NPAS3: variants seen among roughly 807,000 people sequenced by gnomAD.
NPAS3 encodes the protein neuronal PAS domain protein 3, also known as neuronal PAS domain-containing protein 3.
Under a neutral mutation model 73.1 loss-of-function variants are expected in NPAS3, and 14 were observed. The observed-to-expected ratio is 0.19, with a 90% CI of 0.13 to 0.30. The LOEUF is 0.30. NPAS3 is among the 10% of genes least tolerant of loss of function. The pLI, the probability that NPAS3 is intolerant of heterozygous loss-of-function variation, is 1.00. For synonymous variants in NPAS3, 620 were observed against 541.5 expected, an observed-to-expected ratio of 1.14 and a Z score of -2.01; for missense variants, 1,096 against 1,250.0, an observed-to-expected ratio of 0.88 and a Z score of 1.86.
At chr14:33,278,136 T>G (rs1423347921) in intron 3 of NPAS3, among the ~76,000 whole-genome samples, 1 of 152,180 alleles carries the variant, frequency 6.6e-6, no homozygotes, top group Non-Finnish European at 1.5e-5. Flanking sequence ...CCAAAGCTTT[T>G]TGCCTGAGCT....
chr14:33,037,510 GA>G (rs1247383012), intron 1 of NPAS3, among the ~76,000 whole-genome samples: 2 of 151,216 alleles, frequency 1.3e-5, no homozygotes, highest in African/African-American at 2.4e-5. Context: ...AAGAAAAAAA[GA>G]AAAAATTAGG....
intron 4 of NPAS3, among the ~76,000 whole-genome samples, chr14:33,435,930 C>T (rs1293944485): frequency 6.6e-6 from 1 of 152,148 alleles, no homozygotes; most frequent in African/African-American, 2.4e-5. Flanking sequence ...CCCTTGAGGC[C>T]TCGCAGACAT....
chr14:33,640,996 C>G lies in NPAS3; in HGVS notation c.559-35215C>G, dbSNP rs543762291. ...GTACCCAAGTGTTACTGGCAGTTCT[C>G]TCTGTGTGATAGGATAACGGGTGAT... On this transcript the variant is annotated intron_variant, in intron 5 of 11. Coordinates refer to ENST00000356141, the Ensembl canonical transcript of NPAS3. Among the ~76,000 whole-genome samples, 3 of 152,266 alleles carry G rather than the reference C, an allele frequency of 2.0e-5. No homozygotes were observed. The South Asian group carries it at 6.2e-4, about 32-fold the overall frequency.
intron 4 of NPAS3, among the ~76,000 whole-genome samples, chr14:33,494,581 A>C (rs141792644): frequency 5.9e-5 from 9 of 152,260 alleles, no homozygotes; most frequent in African/African-American, 1.9e-4. Context: ...CTGGATCTAC[A>C]GGGACCCAGA....
At chr14:33,332,480 A>G (rs1279071070) in intron 3 of NPAS3, among the ~76,000 whole-genome samples, 1 of 152,240 alleles carries the variant, frequency 6.6e-6, no homozygotes, top group East Asian at 1.9e-4. Context: ...AGGCAAATAC[A>G]TAGAGGACAG....
intron 9 of NPAS3, among the ~76,000 whole-genome samples, chr14:33,786,869 G>A (rs985915414): frequency 1.2e-4 from 18 of 152,112 alleles, no homozygotes; most frequent in South Asian, 2.1e-4. Flanking sequence ...GGAGACTAAC[G>A]TAGGACAGGC....
chr14:33,020,242 GTATT>G (rs1015601666), intron 1 of NPAS3, among the ~76,000 whole-genome samples: 3 of 152,162 alleles, frequency 2.0e-5, no homozygotes, highest in Non-Finnish European at 4.4e-5. Context: ...ACCAGATAGT[GTATT>G]TATCATCATA....
chr14:33,253,425 C>T (rs1469695533), intron 3 of NPAS3, among the ~76,000 whole-genome samples: 1 of 151,980 alleles, frequency 6.6e-6, no homozygotes, highest in Admixed American at 6.6e-5. Flanking sequence ...TTATTTAGCA[C>T]ACGTCAGTTT....
chr14:33,698,520 T>C (rs2060447391), intron 6 of NPAS3, among the ~76,000 whole-genome samples: 1 of 152,176 alleles, frequency 6.6e-6, no homozygotes, highest in South Asian at 2.1e-4. Context: ...ATATCTTACG[T>C]TGTAAAATAA....
At chr14:33,322,298 A>T (rs1170578383) in intron 3 of NPAS3, among the ~76,000 whole-genome samples, 1 of 152,204 alleles carries the variant, frequency 6.6e-6, no homozygotes, top group Non-Finnish European at 1.5e-5. Flanking sequence ...CCTTGGTTAA[A>T]GGCATCTGCC....
At chr14:33,053,703 A>G (rs1378036922) in intron 1 of NPAS3, among the ~76,000 whole-genome samples, 1 of 152,138 alleles carries the variant, frequency 6.6e-6, no homozygotes, top group Admixed American at 6.5e-5. Context: ...AATTTTTTAA[A>G]CCTGACAGTT....
At chr14:32,934,825 C>T (rs1012968009), upstream of NPAS3, 1 of 392,662 alleles carries the variant, frequency 2.5e-6, no homozygotes, top group African/African-American at 2.2e-5. The surrounding 1 kb of genome is among the most constrained non-coding windows in gnomAD (Gnocchi z 4.1). Context: ...GCCGCCGCGC[C>T]CGGGGGCCGA....
chr14:33,063,076 C>G lies in NPAS3; in HGVS notation c.140+7082C>G, dbSNP rs758520827. Reference sequence around the variant, plus strand: ...GCTTTGATCCTAGCCCCACAATTATCTGTTACATGTGGGACAGTGACTAAG... The same window carrying G: ...GCTTTGATCCTAGCCCCACAATTATGTGTTACATGTGGGACAGTGACTAAG... On this transcript the variant is annotated intron_variant, in intron 2 of 11. Transcript: ENST00000356141. 5.4e-4 allele frequency among the ~76,000 whole-genome samples: 82 copies of G among 152,184 alleles called. 1 individual carries two copies. Among genetic ancestry groups the G allele is most frequent in the Admixed American group, 9.2e-4 (14 of 15,284 alleles).
chr14:33,735,872 C>T (rs11851981), intron 7 of NPAS3, among the ~76,000 whole-genome samples: 11,016 of 152,016 alleles, frequency 0.072, 868 homozygotes, highest in African/African-American at 0.2. Context: ...ATAGAATACT[C>T]GATATACGTA....
intron 2 of NPAS3, among the ~76,000 whole-genome samples, chr14:33,097,275 T>C (rs1367715363): frequency 6.6e-6 from 1 of 152,232 alleles, no homozygotes; most frequent in African/African-American, 2.4e-5. Context: ...ATTAGTTTTA[T>C]CTACTCTTGA....
In NPAS3 at chr14:33,048,851, C is replaced by T. The variant is rs562226539; in HGVS notation, c.51-7054C>T. ...TGAAAGTTCCAAGTATAGTCTAGTA[C>T]GCTTGCTGCCATTTGCTAAGAGGGT... On this transcript the variant is annotated intron_variant, in intron 1 of 11. Transcript: ENST00000356141. Among the ~76,000 whole-genome samples the T allele has an allele frequency of 6.6e-5, 10 of 152,298 alleles. No homozygotes were observed. In the South Asian group the frequency reaches 8.3e-4, roughly 13 times the overall value.
intron 2 of NPAS3, among the ~76,000 whole-genome samples, chr14:33,070,616 A>G (rs1385748341): frequency 6.6e-6 from 1 of 152,234 alleles, no homozygotes; most frequent in African/African-American, 2.4e-5. Flanking sequence ...AGTAGCGTAC[A>G]GTCAGAACAG....
chr14:33,732,223 G>A (rs879060239), intron 6 of NPAS3, among the ~76,000 whole-genome samples: 9 of 151,934 alleles, frequency 5.9e-5, no homozygotes, highest in African/African-American at 1.2e-4. Context: ...ACACATGCAC[G>A]CATGTGCACG....
intron 4 of NPAS3, among the ~76,000 whole-genome samples, chr14:33,491,149 G>A (rs1039478652): frequency 8.5e-5 from 13 of 152,134 alleles, no homozygotes; most frequent in African/African-American, 3.1e-4. Flanking sequence ...ACCTCCACAA[G>A]TAAAAGGAAG....
Sources: gnomAD v4.1 joint callset for allele counts (sites outside exome capture counted in the v4.1 genomes callset) on GRCh38, gnomAD v4.1.1 for gene constraint, Gnocchi (gnomAD v3.1) non-coding constraint, MANE v1.5 for transcripts, NCBI Gene and HGNC (gene_info 2026-07-23, HGNC 2026-07-21) for gene names.